GALNT9: variants seen among roughly 807,000 people sequenced by gnomAD.
GALNT9 encodes polypeptide N-acetylgalactosaminyltransferase 9.
Under a neutral mutation model 63.1 loss-of-function variants are expected in GALNT9, and 47 were observed. The ratio of observed to expected loss-of-function variants is 0.75; its 90% CI spans 0.59 to 0.95. GALNT9 has a LOEUF of 0.95. Ranked by LOEUF, GALNT9 falls within the 40% of genes least tolerant of loss-of-function variation. The probability of loss-of-function intolerance (pLI) is 0.00; values close to 1 mark genes in which losing one functional copy is unlikely to be tolerated. For missense variants in GALNT9, 829 were observed against 874.8 expected (o/e 0.95, Z 0.66); for synonymous variants, 396 against 365.7 (o/e 1.08, Z -0.94).
rs557147012 is a variant in GALNT9, at chr12:132,202,455, T to G, written c.1263+1050A>C. ...GTGAATGGTCCAGCCCGGGGCCACTTCAGGCCGTGTCACCCACACGCTGGG... is the reference window on the plus strand; with the variant it reads ...GTGAATGGTCCAGCCCGGGGCCACTGCAGGCCGTGTCACCCACACGCTGGG... On this transcript the variant is annotated intron_variant, in intron 7 of 10. Coordinates refer to ENST00000328957, the MANE Select transcript of GALNT9 (RefSeq NM_001122636.2). 1.1e-4 allele frequency among the ~76,000 whole-genome samples: 17 copies of G among 152,296 alleles called. No homozygotes were observed. In the East Asian group the frequency reaches 2.9e-3, roughly 26 times the overall value.
At chr12:132,244,213 G>A (rs1486240833) in intron 6 of GALNT9, among the ~76,000 whole-genome samples, 1 of 130,038 alleles carries the variant, frequency 7.7e-6, no homozygotes, top group African/African-American at 3.0e-5. Context: ...TGGGGGACTG[G>A]AAAGCGGTGG....
chr12:132,198,892 C>T (rs1875762882), intron 9 of GALNT9, among the ~76,000 whole-genome samples: 1 of 152,158 alleles, frequency 6.6e-6, no homozygotes, highest in Non-Finnish European at 1.5e-5. Context: ...CTTAAGTGAT[C>T]TGTCTGCCTT....
chr12:132,284,955 G>C (rs1234810846), intron 2 of GALNT9, among the ~76,000 whole-genome samples: 5 of 152,356 alleles, frequency 3.3e-5, no homozygotes, highest in African/African-American at 1.2e-4. Context: ...GAGCAGGTGA[G>C]TGAACGCCCT....
chr12:132,219,464 G>A (rs1877348382), intron 6 of GALNT9, among the ~76,000 whole-genome samples: 2 of 152,286 alleles, frequency 1.3e-5, no homozygotes, highest in East Asian at 3.9e-4. Flanking sequence ...ACCATCGGCG[G>A]GACAGGTGCC....
At chr12:132,243,194 A>C (rs55824956) in intron 6 of GALNT9, among the ~76,000 whole-genome samples, 1 of 99,562 alleles carries the variant, frequency 1.0e-5, no homozygotes, top group Admixed American at 1.3e-4. Context: ...CACGCCACAC[A>C]CCCTTCCCGG....
intron 1 of GALNT9, among the ~76,000 whole-genome samples, chr12:132,320,832 C>T (rs1319266455): frequency 6.6e-6 from 1 of 152,154 alleles, no homozygotes; most frequent in Non-Finnish European, 1.5e-5. Context: ...TGCTGTGCCG[C>T]GTGCCTCCTT....
At chr12:132,235,461 G>A (rs948402979) in intron 6 of GALNT9, among the ~76,000 whole-genome samples, 19 of 152,172 alleles carry the variant, frequency 1.2e-4, no homozygotes, top group African/African-American at 2.9e-4. Context: ...CACCGGCTGC[G>A]GGAACTGGAG....
intron 1 of GALNT9, among the ~76,000 whole-genome samples, chr12:132,325,092 G>A (rs556004305): frequency 7.8e-4 from 119 of 152,258 alleles, no homozygotes; most frequent in Middle Eastern, 3.4e-3. Flanking sequence ...TTCTTCCGGC[G>A]TCGTGCTCAT....
intron 6 of GALNT9, among the ~76,000 whole-genome samples, chr12:132,204,589 C>T (rs2135507132): frequency 6.6e-6 from 1 of 152,290 alleles, no homozygotes; most frequent in South Asian, 2.1e-4. Flanking sequence ...GGGCGCCTGC[C>T]AGCCGACGGC....
At chr12:132,213,406 CA>C (rs1565988812) in intron 6 of GALNT9, among the ~76,000 whole-genome samples, 2 of 152,286 alleles carry the variant, frequency 1.3e-5, no homozygotes, top group South Asian at 4.1e-4. Context: ...ACCGCAGATG[CA>C]CACGTGTGCA....
chr12:132,214,551 C>G (rs1244311107), intron 6 of GALNT9, among the ~76,000 whole-genome samples: 4 of 152,230 alleles, frequency 2.6e-5, no homozygotes, highest in Non-Finnish European at 5.9e-5. Flanking sequence ...CATCCTCCCA[C>G]CCAACCACTC....
intron 6 of GALNT9, among the ~76,000 whole-genome samples, chr12:132,240,245 A>C (rs981517010): frequency 3.3e-5 from 5 of 152,106 alleles, no homozygotes; most frequent in Admixed American, 3.3e-4. Flanking sequence ...AGGGATCTGG[A>C]ATATGACCAA....
At chr12:132,267,919 T>A (rs782591554) in intron 2 of GALNT9, among the ~76,000 whole-genome samples, 43 of 129,884 alleles carry the variant, frequency 3.3e-4, no homozygotes, top group Non-Finnish European at 5.1e-4. Context: ...CCACATGCAC[T>A]CACACACATG....
At chr12:132,289,253 C>T (rs529064474) in intron 1 of GALNT9, among the ~76,000 whole-genome samples, 7 of 152,326 alleles carry the variant, frequency 4.6e-5, no homozygotes, top group African/African-American at 7.2e-5. Flanking sequence ...TGCCTCCCAA[C>T]GCTTCATTCT....
chr12:132,204,498 T>G (rs1876497447), intron 6 of GALNT9, among the ~76,000 whole-genome samples: 1 of 152,034 alleles, frequency 6.6e-6, no homozygotes, highest in African/African-American at 2.4e-5. Context: ...GCAGGGAGTG[T>G]TCACACACTC....
Position 132,202,390 on chromosome 12 carries a change from C to T in GALNT9, c.1263+1115G>A, listed in dbSNP as rs141266109. Among the ~76,000 whole-genome samples the T allele has an allele frequency of 1.7e-3, 256 of 152,316 alleles. 1 individual carries two copies. The highest frequency in any genetic ancestry group is 3.3e-3 in the South Asian group (16 of 4,828). Reference sequence around the variant, plus strand: ...CACGTGTCTACGGCTCCTGATCTGCCTGGCGGGAGCTGATATGGGGGCTGG... The same window carrying T: ...CACGTGTCTACGGCTCCTGATCTGCTTGGCGGGAGCTGATATGGGGGCTGG... On this transcript the variant is annotated intron_variant, in intron 7 of 10. Transcript: ENST00000328957.
chr12:132,258,620 G>C (rs28694479), intron 4 of GALNT9, among the ~76,000 whole-genome samples: 82,756 of 152,116 alleles, frequency 0.54, 22,908 homozygotes, highest in Middle Eastern at 0.6. Flanking sequence ...ACCGAAGCCC[G>C]GGCGTGTGCC....
chr12:132,304,342 T>G (rs1352253701), intron 1 of GALNT9, among the ~76,000 whole-genome samples: 5 of 29,118 alleles, frequency 1.7e-4, no homozygotes, highest in Non-Finnish European at 2.1e-4. Context: ...CACCCTCGCC[T>G]GGGCACACCC....
At chr12:132,324,826 G>T (rs925126269) in intron 1 of GALNT9, among the ~76,000 whole-genome samples, 1 of 151,964 alleles carries the variant, frequency 6.6e-6, no homozygotes, top group Admixed American at 6.5e-5. Flanking sequence ...AGTGTTTTGC[G>T]TCCGGATTAA....
Sources: allele counts gnomAD v4.1 joint callset (sites outside exome capture counted in the v4.1 genomes callset), GRCh38; gene constraint gnomAD v4.1.1; transcripts MANE v1.5; gene names NCBI Gene and HGNC (gene_info 2026-07-23, HGNC 2026-07-21).